BORCS5: variants seen among roughly 807,000 people sequenced by gnomAD.
BORCS5 encodes BLOC-1-related complex subunit 5.
Under a neutral mutation model 22.1 loss-of-function variants are expected in BORCS5, and 17 were observed. That is an observed-to-expected ratio of 0.77 (90% CI 0.53 to 1.15). The LOEUF is 1.15. Ranked by LOEUF, BORCS5 falls within the 50% of genes most tolerant of loss-of-function variation. The pLI is 0.00. For synonymous variants in BORCS5, 117 were observed against 99.8 expected (o/e 1.17, Z -1.03); for missense variants, 247 against 253.2 (o/e 0.98, Z 0.17).
Position 12,357,305 on chromosome 12 carries a change from C to T in BORCS5, c.-147C>T. The T allele has an allele frequency of 6.9e-7, 1 of 1,456,680 alleles. No individual in the cohort carries two copies. The highest frequency in any genetic ancestry group is 2.6e-5 in the Admixed American group (1 of 38,566). The allele number at this position is 1,456,680 out of a possible 1,614,324, so 90.2% of individuals were successfully genotyped here. Reference sequence around the variant, plus strand: ...CGCCCAGGCCCCTGCGTGGGCTGGACGCGTCAGCCCCACACATTAGCCTCG... The same window carrying T: ...CGCCCAGGCCCCTGCGTGGGCTGGATGCGTCAGCCCCACACATTAGCCTCG... On this transcript the variant is annotated 5_prime_UTR_variant, in exon 1 of 4. The change creates a new upstream start codon in the 5' untranslated region. Transcript: ENST00000314565.
intron 2 of BORCS5, among the ~76,000 whole-genome samples, chr12:12,400,403 AG>A (rs1941440784): frequency 6.6e-6 from 1 of 152,112 alleles, no homozygotes; most frequent in South Asian, 2.1e-4. Context: ...GAGGTGACCA[AG>A]GGTGGAGTGG....
chr12:12,445,937 C>T (rs569362500), intron 3 of BORCS5, among the ~76,000 whole-genome samples: 1 of 152,182 alleles, frequency 6.6e-6, no homozygotes, highest in East Asian at 1.9e-4. Flanking sequence ...GCCACCATAC[C>T]TAGCTTCTGT....
intron 2 of BORCS5, among the ~76,000 whole-genome samples, chr12:12,391,578 G>C (rs756114767): frequency 5.5e-4 from 83 of 151,386 alleles, no homozygotes; most frequent in Non-Finnish European, 1.5e-4. Flanking sequence ...AGTAGAGACA[G>C]GGTTTCACCA....
chr12:12,423,770 C>G (rs1565898936), intron 2 of BORCS5, among the ~76,000 whole-genome samples: 3 of 152,086 alleles, frequency 2.0e-5, no homozygotes, highest in Admixed American at 2.0e-4. Flanking sequence ...CTCACTGCAA[C>G]CTCTGCATCC....
rs139678108 is a variant in BORCS5 at position 12,401,225 on chromosome 12, C to G, written c.203-34403C>G. On this transcript the variant is annotated intron_variant, in intron 2 of 3. Coordinates refer to ENST00000314565, the MANE Select transcript of BORCS5 (RefSeq NM_058169.6). ...CATGTATTTTCAGCTTTACTAGATACAGTCAATTTACTCTTCAAAGTAGTT... is the reference window on the plus strand; with the variant it reads ...CATGTATTTTCAGCTTTACTAGATAGAGTCAATTTACTCTTCAAAGTAGTT... 6.0e-3 allele frequency among the ~76,000 whole-genome samples: 911 copies of G among 152,252 alleles called. 13 individuals are homozygous for G. The highest frequency in any genetic ancestry group is 0.021 in the African/African-American group (858 of 41,550).
At chr12:12,425,707 G>C (rs1022777800) in intron 2 of BORCS5, among the ~76,000 whole-genome samples, 1 of 152,112 alleles carries the variant, frequency 6.6e-6, no homozygotes, top group African/African-American at 2.4e-5. Context: ...TTTAAATTTA[G>C]CTCCTTTTCA....
At chr12:12,450,596 A>G (rs1362575566) in intron 3 of BORCS5, among the ~76,000 whole-genome samples, 1 of 152,224 alleles carries the variant, frequency 6.6e-6, no homozygotes, top group African/African-American at 2.4e-5. Context: ...TCATCTCTTA[A>G]GGATTTCAAA....
chr12:12,426,018 T>C (rs1388530373), intron 2 of BORCS5, among the ~76,000 whole-genome samples: 1 of 152,226 alleles, frequency 6.6e-6, no homozygotes, highest in Non-Finnish European at 1.5e-5. Context: ...CTTTAATATG[T>C]CACACTTACA....
chr12:12,377,853 A>G (rs987613035), intron 2 of BORCS5, among the ~76,000 whole-genome samples: 11 of 152,202 alleles, frequency 7.2e-5, no homozygotes, highest in African/African-American at 2.2e-4. Context: ...TAAGGATAGG[A>G]AAATGCAGGC....
intron 3 of BORCS5, among the ~76,000 whole-genome samples, chr12:12,464,142 G>A (rs1330847173): frequency 6.6e-6 from 1 of 151,836 alleles, no homozygotes; most frequent in Non-Finnish European, 1.5e-5. Context: ...AGACAGGGCT[G>A]CAGAGAACCC....
chr12:12,417,392 C>A, intron 2 of BORCS5, among the ~76,000 whole-genome samples: 1 of 152,132 alleles, frequency 6.6e-6, no homozygotes, highest in East Asian at 1.9e-4. Flanking sequence ...TATGGCCTAT[C>A]CTGAAAAATG....
At chr12:12,373,121 G>A (rs959927561) in intron 2 of BORCS5, among the ~76,000 whole-genome samples, 1 of 152,166 alleles carries the variant, frequency 6.6e-6, no homozygotes, top group East Asian at 1.9e-4. Flanking sequence ...TGGGAGTCAC[G>A]CCCTTACAAG....
intron 2 of BORCS5, among the ~76,000 whole-genome samples, chr12:12,385,352 T>C (rs1462811881): frequency 6.6e-6 from 1 of 151,390 alleles, no homozygotes; most frequent in East Asian, 1.9e-4. Context: ...ATGCTACCTA[T>C]TGTTCCAAAT....
chr12:12,395,264 A>AATTATT (rs148207640), intron 2 of BORCS5, among the ~76,000 whole-genome samples: 2 of 150,530 alleles, frequency 1.3e-5, no homozygotes, highest in Non-Finnish European at 3.0e-5. Flanking sequence ...AGGATGAGAC[A>AATTATT]ATTATTATTA....
At chr12:12,460,350 C>G (rs1565938740) in intron 3 of BORCS5, among the ~76,000 whole-genome samples, 1 of 152,130 alleles carries the variant, frequency 6.6e-6, no homozygotes, top group Non-Finnish European at 1.5e-5. Flanking sequence ...GTATGCTGAC[C>G]ATGTATCTTG....
intron 2 of BORCS5, among the ~76,000 whole-genome samples, chr12:12,387,332 T>C (rs150372692): frequency 2.0e-5 from 3 of 151,590 alleles, no homozygotes; most frequent in Admixed American, 2.0e-4. Context: ...AGTTACAATA[T>C]ATGACAGAAT....
chr12:12,423,653 G>A (rs1388900562), intron 2 of BORCS5, among the ~76,000 whole-genome samples: 1 of 150,462 alleles, frequency 6.6e-6, no homozygotes, highest in Non-Finnish European at 1.5e-5. Flanking sequence ...TATGTGATAA[G>A]GTGTTTTTCT....
chr12:12,467,137 A>G lies in BORCS5; in HGVS notation c.*1361A>G, dbSNP rs1943217166. 1 of 152,204 alleles carries G rather than the reference A, an allele frequency of 6.6e-6. No homozygotes were observed. Among genetic ancestry groups the G allele is most frequent in the Non-Finnish European group, 1.5e-5 (1 of 68,042 alleles). The allele number at this position is 152,204 out of a possible 1,614,324, so 9.4% of individuals were successfully genotyped here. A position where few individuals can be genotyped will look rare whatever the true frequency, so the allele number is the denominator to read the frequency against. ...AATTTTACATTTTCAAATTCAAAAG[A>G]ATAATACAATGAATATTCATATTTC... On this transcript the variant is annotated 3_prime_UTR_variant, in exon 4 of 4. Transcript: ENST00000314565.
chr12:12,414,349 T>C (rs1163106862), intron 2 of BORCS5, among the ~76,000 whole-genome samples: 1 of 83,892 alleles, frequency 1.2e-5, no homozygotes, highest in Non-Finnish European at 2.4e-5. Flanking sequence ...CCCCCCCACC[T>C]CCCTCCCGGA....
Sources: allele counts gnomAD v4.1 joint callset (sites outside exome capture counted in the v4.1 genomes callset), GRCh38; gene constraint gnomAD v4.1.1; transcripts MANE v1.5; gene names NCBI Gene and HGNC (gene_info 2026-07-23, HGNC 2026-07-21).